Variants in COL21A1 observed in about 807,000 individuals in gnomAD.
The protein encoded by COL21A1 is collagen alpha-1(XXI) chain.
COL21A1 carries 149 observed loss-of-function variants against 137.9 expected under a neutral mutation model. The ratio of observed to expected loss-of-function variants is 1.08; its 90% confidence interval spans 0.95 to 1.24. The LOEUF is 1.24. COL21A1 is among the 50% of genes most tolerant of loss of function. The pLI, the probability that COL21A1 is intolerant of heterozygous loss-of-function variation, is 0.00. For synonymous variants in COL21A1, 456 were observed against 391.5 expected (o/e 1.16, Z -1.95); for missense variants, 1,167 against 1,158.4 (o/e 1.01, Z -0.11).
intron 3 of COL21A1, among the ~76,000 whole-genome samples, chr6:56,178,629 C>T (rs906866446): frequency 6.6e-6 from 1 of 151,720 alleles, no homozygotes; most frequent in Non-Finnish European, 1.5e-5. Context: ...ACACTAAATG[C>T]CTATAATATT....
chr6:56,175,523 A>C (rs1777400115), intron 3 of COL21A1, among the ~76,000 whole-genome samples: 1 of 152,082 alleles, frequency 6.6e-6, no homozygotes, highest in African/African-American at 2.4e-5. Context: ...GAAAATTAAG[A>C]AAATAATCTC....
chr6:56,058,068 A>C (rs2114014812), intron 29 of COL21A1, among the ~76,000 whole-genome samples: 1 of 151,672 alleles, frequency 6.6e-6, no homozygotes. Context: ...AACTAGGCTA[A>C]GCATATTAAC....
At chr6:56,304,646 G>A (rs959998260) in intron 1 of COL21A1, among the ~76,000 whole-genome samples, 3 of 152,042 alleles carry the variant, frequency 2.0e-5, no homozygotes, top group Non-Finnish European at 4.4e-5. Flanking sequence ...AGTCTTGCTA[G>A]CAGTCTATCA....
At chr6:56,297,942 C>T (rs147850473) in intron 1 of COL21A1, among the ~76,000 whole-genome samples, 26 of 152,172 alleles carry the variant, frequency 1.7e-4, no homozygotes, top group African/African-American at 6.0e-4. Context: ...GTGCACATTT[C>T]TCTAGACCTT....
intron 1 of COL21A1, among the ~76,000 whole-genome samples, chr6:56,262,748 T>G (rs867007401): frequency 1.2e-4 from 18 of 152,092 alleles, no homozygotes; most frequent in African/African-American, 4.1e-4. Flanking sequence ...AAAGCACTAC[T>G]ATTAGTCTAA....
chr6:56,199,524 A>T (rs1232614452), intron 1 of COL21A1, among the ~76,000 whole-genome samples: 1 of 152,126 alleles, frequency 6.6e-6, no homozygotes, highest in Non-Finnish European at 1.5e-5. Context: ...ATGCTTAGAA[A>T]AAAGAGAGGT....
At chr6:56,139,199 G>A (rs577755989) in intron 12 of COL21A1, among the ~76,000 whole-genome samples, 10 of 152,168 alleles carry the variant, frequency 6.6e-5, no homozygotes, top group African/African-American at 2.4e-4. Flanking sequence ...TAAGTAATCA[G>A]CAGAATGGTG....
intron 17 of COL21A1, among the ~76,000 whole-genome samples, chr6:56,095,761 C>G (rs1477645743): frequency 3.9e-5 from 6 of 152,120 alleles, no homozygotes; most frequent in African/African-American, 1.4e-4. Flanking sequence ...AGAATTTGGC[C>G]AAGAGAGTTG....
At chr6:56,173,544 G>A (rs1446342875) in intron 3 of COL21A1, among the ~76,000 whole-genome samples, 1 of 152,104 alleles carries the variant, frequency 6.6e-6, no homozygotes, top group Non-Finnish European at 1.5e-5. Context: ...CATGCAAATG[G>A]TAGCCAAAAG....
At chr6:56,196,867 A>ATT (rs1331696962) in intron 1 of COL21A1, among the ~76,000 whole-genome samples, 69 of 152,234 alleles carry the variant, frequency 4.5e-4, no homozygotes, top group African/African-American at 1.6e-3. Flanking sequence ...TTTTACAAAA[A>ATT]TAGAAAAATT....
chr6:56,269,346 A>G (rs1763467125), intron 1 of COL21A1, among the ~76,000 whole-genome samples: 2 of 152,318 alleles, frequency 1.3e-5, no homozygotes, highest in Admixed American at 1.3e-4. Context: ...AAAAAATCTT[A>G]CAGGCAGCTA....
chr6:56,246,348 A>G (rs193167612), intron 1 of COL21A1, among the ~76,000 whole-genome samples: 8 of 152,332 alleles, frequency 5.3e-5, no homozygotes, highest in Admixed American at 2.6e-4. Context: ...CTTCATTTCA[A>G]CTTTTAGAAA....
Position 56,101,491 on chromosome 6 carries a change from T to C in COL21A1, c.1793A>G (p.Asp598Gly). The stretch of plus-strand genomic sequence containing the variant: ...ACTCACAGGCTCTCCCCGTGTTCCA[T>C]CCTGCCCCGGAGCACCAGGGGATCC... ...EAGSPGAPGQ[D>G]GTRGEPGIPG... The change falls in exon 17 of 30, where the codon GAT becomes GGT. Residue 598 changes from aspartate (D) to glycine (G), a missense_variant. By Grantham distance (94) the Asp-to-Gly change is moderately conservative. Transcript: ENST00000244728. The C allele has an allele frequency of 6.3e-7, 1 of 1,595,900 alleles. No homozygotes were observed. The highest frequency in any genetic ancestry group is 1.7e-5 in the Admixed American group (1 of 57,918).
chr6:56,085,577 A>G (rs561876786), intron 17 of COL21A1, among the ~76,000 whole-genome samples: 1 of 152,146 alleles, frequency 6.6e-6, no homozygotes, highest in East Asian at 1.9e-4. Context: ...ACTAAAACTG[A>G]TTGTTCTCCT....
intron 1 of COL21A1, among the ~76,000 whole-genome samples, chr6:56,247,131 C>G (rs1331769029): frequency 6.6e-6 from 1 of 152,176 alleles, no homozygotes; most frequent in East Asian, 1.9e-4. Context: ...GCCAAACACT[C>G]CAAGGCAGGA....
intron 1 of COL21A1, among the ~76,000 whole-genome samples, chr6:56,356,968 T>C (rs1765847897): frequency 6.6e-6 from 1 of 152,226 alleles, no homozygotes; most frequent in South Asian, 2.1e-4. Flanking sequence ...TTCTTCAGTA[T>C]TCTGTGCATT....
intron 10 of COL21A1, among the ~76,000 whole-genome samples, chr6:56,156,258 C>G (rs1289109402): frequency 3.3e-5 from 5 of 152,188 alleles, no homozygotes; most frequent in African/African-American, 1.2e-4. Context: ...TAAAAGCTGA[C>G]TAGAACACTA....
intron 17 of COL21A1, among the ~76,000 whole-genome samples, chr6:56,097,766 A>T (rs1250457494): frequency 9.3e-6 from 1 of 107,172 alleles, no homozygotes; most frequent in Non-Finnish European, 1.9e-5. Flanking sequence ...TATATATATA[A>T]ATATATATAA....
chr6:56,386,670 T>G (rs2094018919), intron 1 of COL21A1, among the ~76,000 whole-genome samples: 1 of 152,194 alleles, frequency 6.6e-6, no homozygotes, highest in Non-Finnish European at 1.5e-5. Context: ...TTGATTTGCA[T>G]TTCCCTAGTG....
Sources: gnomAD v4.1 joint callset for allele counts (sites outside exome capture counted in the v4.1 genomes callset) on GRCh38, gnomAD v4.1.1 for gene constraint, MANE v1.5 for transcripts, NCBI Gene and HGNC (gene_info 2026-07-23, HGNC 2026-07-21) for gene names.